Variants in ITPR2 observed in about 807,000 individuals in gnomAD.
ITPR2 encodes the protein inositol 1,4,5-trisphosphate-gated calcium channel ITPR2.
In ITPR2, 207 loss-of-function variants were observed where a neutral mutation model predicts 317.1. The ratio of observed to expected loss-of-function variants is 0.65; its 90% confidence interval spans 0.58 to 0.73. ITPR2 has a LOEUF of 0.73. Ranked by LOEUF, ITPR2 falls within the 30% of genes least tolerant of loss-of-function variation. ITPR2 has a pLI of 0.00. For synonymous variants in ITPR2, 1,156 were observed against 1,149.1 expected, an observed-to-expected ratio of 1.01 and a Z score of -0.12; for missense variants, 2,613 against 3,284.0, an observed-to-expected ratio of 0.80 and a Z score of 4.99.
intron 1 of ITPR2, among the ~76,000 whole-genome samples, chr12:26,803,888 A>G (rs1005599131): frequency 2.2e-4 from 33 of 152,226 alleles, no homozygotes; most frequent in Admixed American, 6.5e-4. Flanking sequence ...AATTCCCACA[A>G]TCATTACAGC....
chr12:26,488,748 G>C (rs571110100), intron 39 of ITPR2, among the ~76,000 whole-genome samples: 3 of 152,186 alleles, frequency 2.0e-5, no homozygotes, highest in African/African-American at 7.2e-5. Flanking sequence ...GGGTTAGAAG[G>C]TGGAAGGAGT....
chr12:26,808,998 C>T (rs959678214), intron 1 of ITPR2, among the ~76,000 whole-genome samples: 3 of 152,192 alleles, frequency 2.0e-5, no homozygotes, highest in African/African-American at 4.8e-5. Context: ...TTCTGCCCTT[C>T]ATTTGAGTGG....
At position 26,772,541 on chromosome 12, in the gene ITPR2, TTA is replaced by T. The variant is rs1491533214; in HGVS notation, c.163+17614_163+17615del. Among the ~76,000 whole-genome samples, 182 of 134,242 alleles carry T rather than the reference TTA, an allele frequency of 1.4e-3. 1 individual carries two copies. Among genetic ancestry groups the T allele is most frequent in the Non-Finnish European group, 2.2e-3 (140 of 62,716 alleles). The allele number at this position is 134,242 out of a possible 152,430, so 88.1% of individuals were successfully genotyped here. ...TACATTATTATATATAATACATGTATTATATATATAATACATGTATTATATAT... is the reference window on the plus strand; with the variant it reads ...TACATTATTATATATAATACATGTATTATATATAATACATGTATTATATAT... On this transcript the variant is annotated intron_variant, in intron 2 of 56. Coordinates refer to ENST00000381340, the MANE Select transcript of ITPR2 (RefSeq NM_002223.4).
At chr12:26,375,560 T>G (rs111513987) in intron 55 of ITPR2, among the ~76,000 whole-genome samples, 2,320 of 152,356 alleles carry the variant, frequency 0.015, 65 homozygotes, top group African/African-American at 0.05. Context: ...TACTTTTTGA[T>G]GAGTAAAATC....
intron 45 of ITPR2, among the ~76,000 whole-genome samples, chr12:26,453,541 C>G (rs1941794665): frequency 6.6e-6 from 1 of 152,128 alleles, no homozygotes; most frequent in Non-Finnish European, 1.5e-5. Flanking sequence ...ATGATGTACA[C>G]TAGGAGTTTT....
Position 26,486,200 on chromosome 12 carries a change from G to T in ITPR2, c.5715C>A (p.Ser1905=). The T allele has an allele frequency of 1.2e-6, 2 of 1,614,052 alleles. No individual in the cohort carries two copies. The highest frequency in any genetic ancestry group is 1.7e-6 in the Non-Finnish European group (2 of 1,179,996). ...CGGGACTCATTGTTACTTCCTCTGC[G>T]GATTTTTCCTCAGTGTTTCCCGCTT... ...GPEAGNTEEK[S]AEEVTMSPAI... Residue 1905 remains serine, a synonymous_variant, in exon 41 of 57, where the codon TCC becomes TCA. Coordinates refer to ENST00000381340, the MANE Select transcript of ITPR2 (RefSeq NM_002223.4).
chr12:26,518,422 T>C (rs868584631), intron 37 of ITPR2, among the ~76,000 whole-genome samples: 1 of 152,194 alleles, frequency 6.6e-6, no homozygotes, highest in African/African-American at 2.4e-5. Context: ...TCAGGAACTA[T>C]GCTTATTACC....
intron 37 of ITPR2, among the ~76,000 whole-genome samples, chr12:26,539,482 G>T (rs982462439): frequency 6.6e-6 from 1 of 151,340 alleles, no homozygotes; most frequent in African/African-American, 2.4e-5. Flanking sequence ...GTTTCTTTTT[G>T]TAGCCTGGCT....
intron 45 of ITPR2, among the ~76,000 whole-genome samples, chr12:26,470,894 C>T (rs1242052591): frequency 6.6e-6 from 1 of 152,096 alleles, no homozygotes; most frequent in Admixed American, 6.5e-5. Flanking sequence ...ATATCAAGTA[C>T]ATTAGAAACC....
intron 5 of ITPR2, among the ~76,000 whole-genome samples, chr12:26,717,445 A>C (rs1592065741): frequency 6.6e-6 from 1 of 152,266 alleles, no homozygotes; most frequent in East Asian, 1.9e-4. Context: ...CACCAACCAA[A>C]CAAAGAAAGG....
At chr12:26,376,541 G>A (rs1457048497) in intron 55 of ITPR2, among the ~76,000 whole-genome samples, 2 of 147,696 alleles carry the variant, frequency 1.4e-5, no homozygotes, top group Admixed American at 6.6e-5. Context: ...CTTTCTGCCT[G>A]TTTATTTTTT....
At chr12:26,705,692 T>G (rs1948538016) in intron 9 of ITPR2, among the ~76,000 whole-genome samples, 1 of 152,220 alleles carries the variant, frequency 6.6e-6, no homozygotes, top group Admixed American at 6.5e-5. Flanking sequence ...TTCCCTAATT[T>G]GGTGAATGAC....
intron 46 of ITPR2, among the ~76,000 whole-genome samples, chr12:26,442,475 C>T (rs902759654): frequency 9.9e-5 from 15 of 152,130 alleles, no homozygotes; most frequent in African/African-American, 2.9e-4. Flanking sequence ...ATCTCTCACC[C>T]GCATTAACCA....
chr12:26,717,302 T>A (rs1333351527), intron 5 of ITPR2, among the ~76,000 whole-genome samples: 9 of 152,188 alleles, frequency 5.9e-5, no homozygotes, highest in Non-Finnish European at 1.3e-4. Context: ...GCCCAAACTT[T>A]AAAAAACATA....
chr12:26,643,690 G>A (rs565623259), intron 21 of ITPR2, among the ~76,000 whole-genome samples: 1 of 152,214 alleles, frequency 6.6e-6, no homozygotes, highest in Non-Finnish European at 1.5e-5. Context: ...ACTTGGCTGA[G>A]TTGTATTCAT....
intron 36 of ITPR2, 52 bp from the exon 37 acceptor site, chr12:26,550,407 A>C: frequency 1.3e-6 from 1 of 791,890 alleles, no homozygotes; most frequent in East Asian, 2.6e-5. Flanking sequence ...TCTTCAAGCT[A>C]TATACAAACA....
At chr12:26,417,482 T>G (rs1047385727) in intron 50 of ITPR2, among the ~76,000 whole-genome samples, 2 of 152,136 alleles carry the variant, frequency 1.3e-5, no homozygotes, top group Admixed American at 6.5e-5. Context: ...GTGGTTTCCC[T>G]CATGCTGTTC....
intron 37 of ITPR2, among the ~76,000 whole-genome samples, chr12:26,516,563 A>G (rs1943525251): frequency 6.6e-6 from 1 of 152,176 alleles, no homozygotes; most frequent in African/African-American, 2.4e-5. Context: ...ATGCAAGAGC[A>G]AAGTTTATCA....
chr12:26,746,648 TG>T (rs1949330205), intron 2 of ITPR2, among the ~76,000 whole-genome samples: 1 of 152,198 alleles, frequency 6.6e-6, no homozygotes, highest in South Asian at 2.1e-4. Context: ...TTATTACTGA[TG>T]CACACATGTG....
Sources: allele counts gnomAD v4.1 joint callset (sites outside exome capture counted in the v4.1 genomes callset), GRCh38; gene constraint gnomAD v4.1.1; transcripts MANE v1.5; gene names NCBI Gene and HGNC (gene_info 2026-07-23, HGNC 2026-07-21).